Variants in NEMP2 observed in about 807,000 individuals in gnomAD.
The protein encoded by NEMP2 is UPF0571 transmembrane protein.
NEMP2 carries 53 observed loss-of-function variants against 54.2 expected under a neutral mutation model. That is an observed-to-expected ratio of 0.98 (90% CI 0.78 to 1.23). NEMP2 has a LOEUF of 1.23. Ranked by LOEUF, NEMP2 falls within the 50% of genes most tolerant of loss-of-function variation. The probability of loss-of-function intolerance (pLI) is 0.00; values close to 1 mark genes in which losing one functional copy is unlikely to be tolerated. For synonymous variants in NEMP2, 197 were observed against 190.3 expected (o/e 1.04, Z -0.29); for missense variants, 455 against 511.3 (o/e 0.89, Z 1.06).
chr2:190,582,888 C>T, the NEMP2 span, among the ~76,000 whole-genome samples: 60 of 152,238 alleles, frequency 3.9e-4, no homozygotes, highest in African/African-American at 1.4e-3. This position sits in a 1 kb window ranked among gnomAD's most constrained non-coding sequence, Gnocchi z 4.6. Flanking sequence ...TCAGAAGTTC[C>T]ATTGTTTACA....
the NEMP2 span, among the ~76,000 whole-genome samples, chr2:190,557,693 A>G: frequency 2.6e-5 from 4 of 152,378 alleles, no homozygotes; most frequent in African/African-American, 7.2e-5. Context: ...AAAAGAAGAC[A>G]TCTATGTGGC....
chr2:190,535,595 C>A (rs190031307), upstream of NEMP2, among the ~76,000 whole-genome samples: 78 of 152,166 alleles, frequency 5.1e-4, no homozygotes, highest in African/African-American at 1.9e-3. Context: ...TTAGAGAACC[C>A]AAAGTAACAG....
the NEMP2 span, among the ~76,000 whole-genome samples, chr2:190,621,192 G>A: frequency 2.0e-5 from 3 of 152,280 alleles, no homozygotes; most frequent in East Asian, 5.8e-4. Flanking sequence ...TTGTTGTCAT[G>A]CGAACATCAC....
At chr2:190,492,036 G>A in the NEMP2 span, among the ~76,000 whole-genome samples, 1 of 152,160 alleles carries the variant, frequency 6.6e-6, no homozygotes, top group East Asian at 1.9e-4. The surrounding 1 kb of genome is among the most constrained non-coding windows in gnomAD (Gnocchi z 5.2). Context: ...CTCAGCAACA[G>A]AATCGAAGAA....
At chr2:190,636,019 T>A in the NEMP2 span, among the ~76,000 whole-genome samples, 2 of 152,188 alleles carry the variant, frequency 1.3e-5, no homozygotes, top group African/African-American at 4.8e-5. Context: ...GCGTGTGCCA[T>A]CATGCCTGGT....
At chr2:190,585,192 GAATTTATCTA>G in the NEMP2 span, among the ~76,000 whole-genome samples, 1 of 152,202 alleles carries the variant, frequency 6.6e-6, no homozygotes, top group Non-Finnish European at 1.5e-5. This position sits in a 1 kb window ranked among gnomAD's most constrained non-coding sequence, Gnocchi z 5.3. Flanking sequence ...TAACAAGGAT[GAATTTATCTA>G]AATCTTTCTT....
At chr2:190,495,523 A>G in the NEMP2 span, among the ~76,000 whole-genome samples, 1 of 152,212 alleles carries the variant, frequency 6.6e-6, no homozygotes, top group Non-Finnish European at 1.5e-5. This position sits in a 1 kb window ranked among gnomAD's most constrained non-coding sequence, Gnocchi z 4.7. Context: ...GAGCCAAAAA[A>G]GAGCCTGCAT....
At chr2:190,598,956 G>A in the NEMP2 span, among the ~76,000 whole-genome samples, 2 of 152,204 alleles carry the variant, frequency 1.3e-5, no homozygotes, top group East Asian at 3.9e-4. Context: ...ACTGCAAATG[G>A]TGTTTTGTTT....
At chr2:190,546,887 G>A in the NEMP2 span, among the ~76,000 whole-genome samples, 13 of 152,156 alleles carry the variant, frequency 8.5e-5, no homozygotes, top group African/African-American at 2.9e-4. The surrounding 1 kb of genome is among the most constrained non-coding windows in gnomAD (Gnocchi z 5.1). Flanking sequence ...ATGCTCCCAA[G>A]GACCCAGGCT....
At chr2:190,502,385 T>C (rs1361045685), downstream of NEMP2, 2 of 152,250 alleles carry the variant, frequency 1.3e-5, no homozygotes, top group African/African-American at 4.8e-5. This position sits in a 1 kb window ranked among gnomAD's most constrained non-coding sequence, Gnocchi z 4.4. Flanking sequence ...GAGCCCAGGC[T>C]GGTAATCACT....
the NEMP2 span, among the ~76,000 whole-genome samples, chr2:190,431,640 G>C: frequency 3.9e-5 from 6 of 152,238 alleles, no homozygotes; most frequent in Non-Finnish European, 8.8e-5. This position sits in a 1 kb window ranked among gnomAD's most constrained non-coding sequence, Gnocchi z 4.4. Context: ...GTTGCAGTGA[G>C]CCGAGATGGC....
rs1690240311 is a variant in NEMP2, at chr2:190,508,181, CAAA to C, written c.*1005_*1007del. Reference sequence around the variant, plus strand: ...CTTAAGTGCCTTCAATTTCAAAATACAAAAAAAGTAATCATAGTATCTAATCCT... The same window carrying C: ...CTTAAGTGCCTTCAATTTCAAAATACAAAAGTAATCATAGTATCTAATCCT... On this transcript the variant is annotated 3_prime_UTR_variant, in exon 9 of 9. Coordinates refer to ENST00000409150, the MANE Select transcript of NEMP2 (RefSeq NM_001142645.2). This position sits in a 1 kb window ranked among gnomAD's most constrained non-coding sequence, Gnocchi z 4.3. 1 of 152,002 alleles carries C rather than the reference CAAA, an allele frequency of 6.6e-6. No individual in the cohort carries two copies. The highest frequency in any genetic ancestry group is 2.4e-5 in the African/African-American group (1 of 41,398). The allele number at this position is 152,002 out of a possible 1,614,324, so 9.4% of individuals were successfully genotyped here.
the NEMP2 span, among the ~76,000 whole-genome samples, chr2:190,448,919 T>C: frequency 7.9e-5 from 12 of 152,232 alleles, no homozygotes; most frequent in African/African-American, 2.9e-4. Flanking sequence ...ATAACCGTCC[T>C]CCTGTAGAAG....
At chr2:190,437,237 G>C in the NEMP2 span, 2 of 1,614,236 alleles carry the variant, frequency 1.2e-6, no homozygotes, top group Non-Finnish European at 1.7e-6. The surrounding 1 kb of genome is among the most constrained non-coding windows in gnomAD (Gnocchi z 5.9). Context: ...GATTCTAAAG[G>C]GAAAGAGGTG....
the NEMP2 span, among the ~76,000 whole-genome samples, chr2:190,647,327 A>C: frequency 6.6e-6 from 1 of 152,202 alleles, no homozygotes; most frequent in African/African-American, 2.4e-5. Flanking sequence ...AGAAAAAAAA[A>C]GGTTCTGTAC....
intron 1 of NEMP2, among the ~76,000 whole-genome samples, chr2:190,532,703 C>A (rs1253909389): frequency 6.6e-6 from 1 of 152,188 alleles, no homozygotes; most frequent in Non-Finnish European, 1.5e-5. Context: ...CTAATCCAAG[C>A]CCCTCGCTTA....
the NEMP2 span, among the ~76,000 whole-genome samples, chr2:190,581,876 C>A: frequency 6.6e-6 from 1 of 152,008 alleles, no homozygotes; most frequent in East Asian, 1.9e-4. Context: ...CCTAAAAAGT[C>A]ATATTGGTAA....
chr2:190,598,515 A>C, the NEMP2 span, among the ~76,000 whole-genome samples: 1 of 152,230 alleles, frequency 6.6e-6, no homozygotes, highest in Admixed American at 6.5e-5. Context: ...CATTGTTTTC[A>C]TAACTTGTGG....
the NEMP2 span, chr2:190,489,642 C>T: frequency 2.6e-4 from 214 of 834,724 alleles, no homozygotes; most frequent in African/African-American, 3.6e-3. The surrounding 1 kb of genome is among the most constrained non-coding windows in gnomAD (Gnocchi z 6.6). Context: ...TAATACCCAA[C>T]TACTTTTCTC....
Sources: gnomAD v4.1 joint callset for allele counts (sites outside exome capture counted in the v4.1 genomes callset) on GRCh38, gnomAD v4.1.1 for gene constraint, Gnocchi (gnomAD v3.1) non-coding constraint, MANE v1.5 for transcripts, NCBI Gene and HGNC (gene_info 2026-07-23, HGNC 2026-07-21) for gene names.